The following UBE2D3 variants were observed in gnomAD, a reference collection of about 807,000 sequenced individuals.
UBE2D3 encodes ubiquitin-conjugating enzyme E2 D3.
UBE2D3 carries 2 observed loss-of-function variants against 22.8 expected under a neutral mutation model. The observed-to-expected ratio is 0.09, with a 90% CI of 0.04 to 0.28. The LOEUF (loss-of-function observed/expected upper bound fraction) is 0.28, where lower values mean the gene tolerates loss of function less well. Among genes scored for constraint, UBE2D3 ranks in the 10% least tolerant of loss-of-function variants. UBE2D3 has a pLI of 1.00. For missense variants in UBE2D3, 27 were observed against 182.5 expected, an observed-to-expected ratio of 0.15 and a Z score of 4.91; for synonymous variants, 56 against 60.4, an observed-to-expected ratio of 0.93 and a Z score of 0.34.
At chr4:102,856,426 T>C (rs1378040558) in intron 1 of UBE2D3, among the ~76,000 whole-genome samples, 3 of 152,212 alleles carry the variant, frequency 2.0e-5, no homozygotes, top group Non-Finnish European at 2.9e-5. Flanking sequence ...AGCAGGTGGA[T>C]TGGATCTTAT....
At chr4:102,804,302 A>G (rs1326599732) in intron 4 of UBE2D3, among the ~76,000 whole-genome samples, 1 of 152,096 alleles carries the variant, frequency 6.6e-6, no homozygotes, top group Admixed American at 6.6e-5. Flanking sequence ...AGCTTGGATT[A>G]CAGGTGTGCA....
chr4:102,809,989 T>C (rs1578237079), intron 2 of UBE2D3, 134 bp from the exon 3 acceptor site: 4 of 836,412 alleles, frequency 4.8e-6, no homozygotes, highest in Non-Finnish European at 7.8e-6. Context: ...AATAATATAT[T>C]CCATTAGGAG....
chr4:102,857,443 A>G (rs1476816190), intron 1 of UBE2D3, among the ~76,000 whole-genome samples: 1 of 152,224 alleles, frequency 6.6e-6, no homozygotes, highest in Non-Finnish European at 1.5e-5. Context: ...TCTAATATAA[A>G]GAAATCATGT....
chr4:102,800,419 T>C (rs1359941928), intron 6 of UBE2D3, among the ~76,000 whole-genome samples: 2 of 152,050 alleles, frequency 1.3e-5, no homozygotes, highest in African/African-American at 4.8e-5. Flanking sequence ...TAGCAAAGTA[T>C]GGCTGCCAAA....
upstream of UBE2D3, chr4:102,828,004 C>T: frequency 3.0e-6 from 3 of 985,490 alleles, no homozygotes; most frequent in Non-Finnish European, 3.6e-6. Context: ...AGCGGTAGCT[C>T]TGCAATGACT....
At chr4:102,806,804 T>C (rs1727119454) in intron 4 of UBE2D3, among the ~76,000 whole-genome samples, 1 of 152,126 alleles carries the variant, frequency 6.6e-6, no homozygotes, top group Non-Finnish European at 1.5e-5. Flanking sequence ...TCAATTCTTG[T>C]TGGAAACTAA....
intron 2 of UBE2D3, chr4:102,825,399 G>T (rs1426804131): frequency 2.9e-6 from 3 of 1,029,732 alleles, no homozygotes; most frequent in Non-Finnish European, 3.5e-6. Flanking sequence ...TTGAATTTAG[G>T]TAAGTTTTGA....
intron 2 of UBE2D3, among the ~76,000 whole-genome samples, chr4:102,821,027 C>T (rs942167774): frequency 6.6e-6 from 1 of 152,092 alleles, no homozygotes; most frequent in Non-Finnish European, 1.5e-5. Context: ...TAAACTTTTC[C>T]CTTCCCTACA....
chr4:102,815,899 T>C (rs1319492720), intron 2 of UBE2D3, among the ~76,000 whole-genome samples: 1 of 152,224 alleles, frequency 6.6e-6, no homozygotes, highest in Non-Finnish European at 1.5e-5. Flanking sequence ...CACCACTTTC[T>C]TTCTTGCCAT....
chr4:102,818,217 A>G (rs1729054062), intron 2 of UBE2D3, among the ~76,000 whole-genome samples: 1 of 152,234 alleles, frequency 6.6e-6, no homozygotes, highest in South Asian at 2.1e-4. Flanking sequence ...TCAAGCACAT[A>G]CAATCAGGGT....
At chr4:102,799,622 A>T in intron 6 of UBE2D3, 122 bp from the exon 7 acceptor site, 1 of 642,570 alleles carries the variant, frequency 1.6e-6, no homozygotes, top group East Asian at 2.8e-5. Flanking sequence ...TCTTTATCTC[A>T]ATGAGACACA....
intron 6 of UBE2D3, 127 bp downstream of exon 6, chr4:102,801,327 A>G: frequency 1.3e-6 from 1 of 762,324 alleles, no homozygotes; most frequent in Non-Finnish European, 2.0e-6. Context: ...AAAAATTATA[A>G]AAGTAACTTT....
intron 1 of UBE2D3, among the ~76,000 whole-genome samples, chr4:102,849,850 AG>A (rs1182122075): frequency 8.5e-5 from 13 of 152,182 alleles, no homozygotes; most frequent in Non-Finnish European, 8.8e-5. Flanking sequence ...GACGGGGGAC[AG>A]GGATTGGGTA....
chr4:102,801,669 AG>A lies in UBE2D3; in HGVS notation c.199-111del. 4 of 869,684 alleles carry A rather than the reference AG, an allele frequency of 4.6e-6. No individual in the cohort carries two copies. In the East Asian group the frequency reaches 1.1e-4, roughly 24 times the overall value. The allele number at this position is 869,684 out of a possible 1,614,324, so 53.9% of individuals were successfully genotyped here. A position where few individuals can be genotyped will look rare whatever the true frequency, so the allele number is the denominator to read the frequency against. The stretch of plus-strand genomic sequence containing the variant: ...TAAAAATGTCATCTATTAGCATAGA[AG>A]TTCTAAATATTATAGAAACTGATTT... On this transcript the variant is annotated intron_variant, in intron 5 of 7. Transcript: ENST00000453744.
chr4:102,824,520 C>T (rs558410404), intron 2 of UBE2D3, among the ~76,000 whole-genome samples: 2 of 152,294 alleles, frequency 1.3e-5, no homozygotes, highest in East Asian at 1.9e-4. Context: ...CAACAGATAC[C>T]CTTCTTATAG....
At chr4:102,808,329 C>A (rs906733833) in intron 4 of UBE2D3, among the ~76,000 whole-genome samples, 18 of 152,002 alleles carry the variant, frequency 1.2e-4, no homozygotes, top group Admixed American at 8.5e-4. Context: ...CATTTAACTG[C>A]GTGTATTAAA....
At chr4:102,842,896 G>C (rs112855467) in intron 1 of UBE2D3, among the ~76,000 whole-genome samples, 279 of 92,034 alleles carry the variant, frequency 3.0e-3, no homozygotes, top group African/African-American at 0.014. Flanking sequence ...GATCACCTGA[G>C]GTCAGGAGTT....
At chr4:102,828,532 G>A (rs1730913988), upstream of UBE2D3, among the ~76,000 whole-genome samples, 1 of 152,214 alleles carries the variant, frequency 6.6e-6, no homozygotes, top group South Asian at 2.1e-4. Flanking sequence ...ATGGGGCTAG[G>A]ACAGAGAGAG....
chr4:102,798,878 A>AG (rs1244541348), intron 7 of UBE2D3: 1 of 1,579,608 alleles, frequency 6.3e-7, no homozygotes, highest in East Asian at 2.2e-5. Context: ...GCAGCACTCA[A>AG]GTGCTGGCAG....
Sources: allele counts gnomAD v4.1 joint callset (sites outside exome capture counted in the v4.1 genomes callset), GRCh38; gene constraint gnomAD v4.1.1; transcripts MANE v1.5; gene names NCBI Gene and HGNC (gene_info 2026-07-23, HGNC 2026-07-21).